Variants in SLC39A11 observed in about 807,000 individuals in gnomAD.
SLC39A11 encodes the protein zinc transporter ZIP11.
A neutral mutation model predicts 36.1 loss-of-function variants in SLC39A11; 33 were observed. That is an observed-to-expected ratio of 0.91 (90% CI 0.69 to 1.22). The LOEUF is 1.22. SLC39A11 is among the 50% of genes most tolerant of loss of function. SLC39A11 has a pLI of 0.00. For missense variants in SLC39A11, 432 were observed against 430.3 expected (o/e 1.00, Z -0.03); for synonymous variants, 166 against 170.3 (o/e 0.97, Z 0.20).
chr17:72,762,309 T>C (rs1328599228), intron 6 of SLC39A11, among the ~76,000 whole-genome samples: 1 of 152,214 alleles, frequency 6.6e-6, no homozygotes, highest in Non-Finnish European at 1.5e-5. Context: ...AGAGTGACCT[T>C]TGGTCGTCCT....
chr17:72,782,431 T>G (rs913342903), intron 6 of SLC39A11, among the ~76,000 whole-genome samples: 2 of 152,082 alleles, frequency 1.3e-5, no homozygotes, highest in African/African-American at 4.8e-5. Context: ...TGCGGGAAAC[T>G]GATTCACTAG....
chr17:72,741,976 T>C (rs1598527689), intron 6 of SLC39A11, among the ~76,000 whole-genome samples: 1 of 152,092 alleles, frequency 6.6e-6, no homozygotes, highest in East Asian at 1.9e-4. Context: ...CCGAGGTAGG[T>C]GAATTGCTTG....
intron 4 of SLC39A11, among the ~76,000 whole-genome samples, chr17:72,991,109 A>AT (rs1412707814): frequency 6.6e-6 from 1 of 152,186 alleles, no homozygotes; most frequent in African/African-American, 2.4e-5. Context: ...TTTGATTCAG[A>AT]TTTTTTAAGT....
chr17:72,804,001 T>TGG (rs2077175345), intron 6 of SLC39A11, among the ~76,000 whole-genome samples: 1 of 129,504 alleles, frequency 7.7e-6, no homozygotes, highest in African/African-American at 3.0e-5. Flanking sequence ...ACTATCTTTT[T>TGG]TGGGTGGGGG....
At chr17:72,969,715 A>C (rs1303144594) in intron 4 of SLC39A11, among the ~76,000 whole-genome samples, 1 of 152,208 alleles carries the variant, frequency 6.6e-6, no homozygotes, top group Non-Finnish European at 1.5e-5. Flanking sequence ...ATCCAGAAGG[A>C]AACACACCCA....
intron 5 of SLC39A11, among the ~76,000 whole-genome samples, chr17:72,944,509 A>G (rs1305724931): frequency 6.6e-6 from 1 of 151,390 alleles, no homozygotes. Flanking sequence ...GATGAAATAT[A>G]ACTTATAGTC....
chr17:72,772,821 C>T lies in SLC39A11; in HGVS notation c.602-36102G>A, dbSNP rs905216063. The stretch of plus-strand genomic sequence containing the variant: ...TGCACAGGCTGGGCGCAGTGGCTCA[C>T]GCCTGTAATCCCAGCACTTTGGGAG... On this transcript the variant is annotated intron_variant, in intron 6 of 9. Transcript: ENST00000255559. 1.1e-4 allele frequency among the ~76,000 whole-genome samples: 16 copies of T among 152,188 alleles called. No individual in the cohort carries two copies. In the East Asian group the frequency reaches 2.3e-3, roughly 22 times the overall value.
chr17:73,016,183 T>G (rs1022560721), intron 4 of SLC39A11, among the ~76,000 whole-genome samples: 1 of 152,160 alleles, frequency 6.6e-6, no homozygotes, highest in Non-Finnish European at 1.5e-5. Context: ...GAATGAACAC[T>G]GTTGTAAAAA....
intron 2 of SLC39A11, among the ~76,000 whole-genome samples, chr17:73,088,232 T>G (rs987304172): frequency 6.8e-6 from 1 of 148,132 alleles, no homozygotes; most frequent in African/African-American, 2.5e-5. Context: ...AGGTGGAGGT[T>G]GCAGAGAGCT....
At chr17:73,038,117 G>A (rs771639343) in intron 3 of SLC39A11, among the ~76,000 whole-genome samples, 10 of 151,934 alleles carry the variant, frequency 6.6e-5, no homozygotes, top group Non-Finnish European at 1.0e-4. Flanking sequence ...CCAGCTACTC[G>A]GGAGGCTGAG....
At chr17:72,762,659 G>A (rs1190849969) in intron 6 of SLC39A11, among the ~76,000 whole-genome samples, 2 of 152,026 alleles carry the variant, frequency 1.3e-5, no homozygotes, top group Non-Finnish European at 2.9e-5. Flanking sequence ...ATTCTTTCTT[G>A]CACAAGATCC....
chr17:72,867,345 C>T (rs2080352919), intron 5 of SLC39A11, among the ~76,000 whole-genome samples: 1 of 152,034 alleles, frequency 6.6e-6, no homozygotes, highest in Non-Finnish European at 1.5e-5. Flanking sequence ...AATAAAAATA[C>T]AAAAATCAGC....
At position 73,041,396 on chromosome 17, in the gene SLC39A11, T is replaced by C. The variant is rs373348254; in HGVS notation, c.148-9682A>G. Among the ~76,000 whole-genome samples, 80 of 152,320 alleles carry C rather than the reference T, an allele frequency of 5.3e-4. 1 individual carries two copies. The East Asian group carries it at 0.014, about 28-fold the overall frequency. The stretch of plus-strand genomic sequence containing the variant: ...TGCTTCATCCCACAAAGCCCCAGAA[T>C]AGCCAGGGAGCCTTTGACAATGAGT... On this transcript the variant is annotated intron_variant, in intron 3 of 9. Coordinates refer to ENST00000255559, the MANE Select transcript of SLC39A11 (RefSeq NM_139177.4).
chr17:72,907,531 G>GT (rs1165962897), intron 5 of SLC39A11, among the ~76,000 whole-genome samples: 1 of 152,126 alleles, frequency 6.6e-6, no homozygotes, highest in Non-Finnish European at 1.5e-5. Flanking sequence ...AGTGAATCAG[G>GT]AAGATGGTAT....
intron 5 of SLC39A11, among the ~76,000 whole-genome samples, chr17:72,922,960 CAA>C (rs10645750): frequency 0.26 from 11,206 of 43,890 alleles, 672 homozygotes; most frequent in Non-Finnish European, 0.37. Flanking sequence ...GACTCCTTCT[CAA>C]AAAAAAAAAA....
Position 72,913,948 on chromosome 17 carries a change from A to G in SLC39A11, c.430+33804T>C, listed in dbSNP as rs115556570. 2.9e-3 allele frequency among the ~76,000 whole-genome samples: 436 copies of G among 152,046 alleles called. 4 individuals are homozygous for G. Among genetic ancestry groups the G allele is most frequent in the African/African-American group, 8.8e-3 (366 of 41,442 alleles). ...AGTTGCCAAAGAAAAAGAAATCCACATACAGTTGGCCCTCTGAGTCGGAAC... is the reference window on the plus strand; with the variant it reads ...AGTTGCCAAAGAAAAAGAAATCCACGTACAGTTGGCCCTCTGAGTCGGAAC... On this transcript the variant is annotated intron_variant, in intron 5 of 9. Coordinates refer to ENST00000255559, the MANE Select transcript of SLC39A11 (RefSeq NM_139177.4).
Position 72,701,447 on chromosome 17 carries a change from G to T in SLC39A11, c.671+35203C>A, listed in dbSNP as rs192332303. On this transcript the variant is annotated intron_variant, in intron 7 of 9. Transcript: ENST00000255559. ...GATGCAGTTTAAAGAACAGAGACCT[G>T]GCTAGGCATGGTAGCTCATGTCTGT... Among the ~76,000 whole-genome samples, 9 of 152,290 alleles carry T rather than the reference G, an allele frequency of 5.9e-5. No homozygotes were observed. In the East Asian group the frequency reaches 1.7e-3, roughly 29 times the overall value.
intron 4 of SLC39A11, among the ~76,000 whole-genome samples, chr17:72,953,576 G>A (rs891014831): frequency 6.6e-6 from 1 of 152,164 alleles, no homozygotes; most frequent in African/African-American, 2.4e-5. Flanking sequence ...AAAGAAACAA[G>A]TCACCTGAGA....
chr17:72,694,906 C>T (rs1050659739), intron 7 of SLC39A11, among the ~76,000 whole-genome samples: 6 of 152,224 alleles, frequency 3.9e-5, no homozygotes, highest in African/African-American at 1.4e-4. Context: ...GGGAGAGTCT[C>T]TGTCTCTCAC....
Sources: allele counts gnomAD v4.1 joint callset (sites outside exome capture counted in the v4.1 genomes callset), GRCh38; gene constraint gnomAD v4.1.1; transcripts MANE v1.5; gene names NCBI Gene and HGNC (gene_info 2026-07-23, HGNC 2026-07-21).